RNF150: variants seen among roughly 807,000 people sequenced by gnomAD.
RNF150 encodes ring finger protein 150.
Under a neutral mutation model 39.3 loss-of-function variants are expected in RNF150, and 24 were observed. The observed-to-expected ratio is 0.61, with a 90% CI of 0.44 to 0.86. The LOEUF is 0.86. RNF150 is among the 40% of genes least tolerant of loss of function. The probability of loss-of-function intolerance (pLI) is 0.00; values close to 1 mark genes in which losing one functional copy is unlikely to be tolerated. For synonymous variants in RNF150, 255 were observed against 227.3 expected (o/e 1.12, Z -1.10); for missense variants, 502 against 587.8 (o/e 0.85, Z 1.51).
intron 1 of RNF150, among the ~76,000 whole-genome samples, chr4:141,104,872 A>C (rs1390738495): frequency 2.6e-5 from 4 of 152,180 alleles, no homozygotes; most frequent in African/African-American, 9.6e-5. Context: ...TGGCACTTCC[A>C]ACTCCCTCAT....
At chr4:141,136,602 A>G (rs918042249), upstream of RNF150, among the ~76,000 whole-genome samples, 1 of 152,232 alleles carries the variant, frequency 6.6e-6, no homozygotes, top group Admixed American at 6.5e-5. Flanking sequence ...CCCCCCAAAT[A>G]TATAATACTG....
At chr4:141,073,059 A>T (rs1342786469) in intron 1 of RNF150, among the ~76,000 whole-genome samples, 1 of 152,052 alleles carries the variant, frequency 6.6e-6, no homozygotes, top group Non-Finnish European at 1.5e-5. Context: ...CATCATATTT[A>T]GTCACGGCAC....
At chr4:140,879,979 G>A (rs1729312041) in intron 6 of RNF150, among the ~76,000 whole-genome samples, 1 of 152,086 alleles carries the variant, frequency 6.6e-6, no homozygotes, top group Non-Finnish European at 1.5e-5. Context: ...CAAATTGGAT[G>A]CTTTTTATAT....
intron 1 of RNF150, among the ~76,000 whole-genome samples, chr4:141,029,551 A>T (rs1288022678): frequency 6.6e-6 from 1 of 152,196 alleles, no homozygotes; most frequent in Admixed American, 6.5e-5. Flanking sequence ...CATTGCCCTT[A>T]CTATTGTTAT....
chr4:140,973,103 G>A (rs970702842), intron 1 of RNF150, among the ~76,000 whole-genome samples: 2 of 152,090 alleles, frequency 1.3e-5, no homozygotes, highest in African/African-American at 4.8e-5. Context: ...AAGTTACAGA[G>A]GGGAATCCAT....
Position 141,096,190 on chromosome 4 carries a change from CTTTTT to C in RNF150, c.484+36130_484+36134del, listed in dbSNP as rs780868429. Reference sequence around the variant, plus strand: ...AATACCAAGGAGAGTTTTTAGCTTTCTTTTTTTTTTTTTTTTTTTTTTTTTAGATG... The same window carrying C: ...AATACCAAGGAGAGTTTTTAGCTTTCTTTTTTTTTTTTTTTTTTTTAGATG... On this transcript the variant is annotated intron_variant, in intron 1 of 6. Coordinates refer to ENST00000515673, the MANE Select transcript of RNF150 (RefSeq NM_020724.2). Among the ~76,000 whole-genome samples, 6 of 67,982 alleles carry C rather than the reference CTTTTT, an allele frequency of 8.8e-5. No individual in the cohort carries two copies. The South Asian group carries it at 1.8e-3, about 20-fold the overall frequency. The allele number at this position is 67,982 out of a possible 152,430, so 44.6% of individuals were successfully genotyped here.
chr4:141,164,999 G>A (rs190128171), intron 1 of RNF150, among the ~76,000 whole-genome samples: 75 of 152,100 alleles, frequency 4.9e-4, no homozygotes, highest in Middle Eastern at 3.4e-3. Flanking sequence ...AGACACAGAC[G>A]GGCAAATTGG....
chr4:140,956,814 C>T (rs1269523321), intron 2 of RNF150, among the ~76,000 whole-genome samples: 1 of 152,058 alleles, frequency 6.6e-6, no homozygotes, highest in East Asian at 1.9e-4. Context: ...AAAGGATTCC[C>T]TATTTAATAA....
At chr4:140,969,695 T>G (rs1025382901) in intron 1 of RNF150, among the ~76,000 whole-genome samples, 6 of 151,720 alleles carry the variant, frequency 4.0e-5, no homozygotes, top group African/African-American at 1.5e-4. Context: ...ATTTTTTTTT[T>G]TGGGACAGGA....
At chr4:140,893,443 A>G (rs1229438678) in intron 6 of RNF150, among the ~76,000 whole-genome samples, 1 of 152,238 alleles carries the variant, frequency 6.6e-6, no homozygotes, top group Non-Finnish European at 1.5e-5. Context: ...GGAATACATC[A>G]TGCTAAGGAA....
chr4:140,860,492 A>C lies in RNF150; in HGVS notation c.*7769T>G, dbSNP rs1728442968. On this transcript the variant is annotated 3_prime_UTR_variant, in exon 7 of 7. Coordinates refer to ENST00000515673, the MANE Select transcript of RNF150 (RefSeq NM_020724.2). The stretch of plus-strand genomic sequence containing the variant: ...CAGTCTGAATATGGAGAGGATAGAC[A>C]ATGCCGAGATGGAACCATCATCTAC... The C allele has an allele frequency of 6.6e-6, 1 of 152,208 alleles. No homozygotes were observed. Among genetic ancestry groups the C allele is most frequent in the African/African-American group, 2.4e-5 (1 of 41,466 alleles). The allele number at this position is 152,208 out of a possible 1,614,324, so 9.4% of individuals were successfully genotyped here. A position where few individuals can be genotyped will look rare whatever the true frequency, so the allele number is the denominator to read the frequency against.
intron 2 of RNF150, among the ~76,000 whole-genome samples, chr4:140,964,535 CAACGT>C (rs1733158887): frequency 6.6e-6 from 1 of 151,834 alleles, no homozygotes. Flanking sequence ...ATTATAATGG[CAACGT>C]AATGATTAAA....
intron 6 of RNF150, among the ~76,000 whole-genome samples, chr4:140,895,848 G>T (rs1288333552): frequency 2.6e-5 from 4 of 152,116 alleles, no homozygotes; most frequent in Admixed American, 2.0e-4. Flanking sequence ...CAGTATCTAA[G>T]ATTTTTAAAG....
chr4:140,962,453 A>T (rs1014734221), intron 2 of RNF150, among the ~76,000 whole-genome samples: 1 of 151,232 alleles, frequency 6.6e-6, no homozygotes, highest in Non-Finnish European at 1.5e-5. Context: ...ATATATACGT[A>T]TATGATATAT....
intron 1 of RNF150, among the ~76,000 whole-genome samples, chr4:141,063,869 T>G: frequency 6.6e-6 from 1 of 152,046 alleles, no homozygotes; most frequent in South Asian, 2.1e-4. Context: ...GGGTTTATAA[T>G]TACAAAAGTT....
chr4:141,135,877 T>C (rs987789295), upstream of RNF150, among the ~76,000 whole-genome samples: 1 of 152,206 alleles, frequency 6.6e-6, no homozygotes, highest in Admixed American at 6.5e-5. Flanking sequence ...TCACCATTTG[T>C]AGAATGAGTC....
At chr4:140,896,955 A>G (rs1007003521) in intron 6 of RNF150, among the ~76,000 whole-genome samples, 2 of 152,138 alleles carry the variant, frequency 1.3e-5, no homozygotes, top group African/African-American at 4.8e-5. Context: ...AACCTCCATC[A>G]AGATCACAAG....
At chr4:140,944,635 A>G (rs1282700189) in intron 4 of RNF150, 2 of 152,250 alleles carry the variant, frequency 1.3e-5, no homozygotes, top group East Asian at 3.8e-4. Flanking sequence ...TTGTGACACA[A>G]GAGTATAATT....
intron 1 of RNF150, among the ~76,000 whole-genome samples, chr4:141,117,151 A>T (rs897558014): frequency 1.3e-5 from 2 of 152,212 alleles, no homozygotes; most frequent in Non-Finnish European, 2.9e-5. Flanking sequence ...ATAATAAAAA[A>T]ATATATACGT....
Sources: allele counts gnomAD v4.1 joint callset (sites outside exome capture counted in the v4.1 genomes callset), GRCh38; gene constraint gnomAD v4.1.1; transcripts MANE v1.5; gene names NCBI Gene and HGNC (gene_info 2026-07-23, HGNC 2026-07-21).